The following TMEFF2 variants were observed in gnomAD, a reference collection of about 807,000 sequenced individuals.
TMEFF2 encodes transmembrane protein with EGF like and two follistatin like domains 2.
In TMEFF2, 28 loss-of-function variants were observed where a neutral mutation model predicts 53.8. The observed-to-expected ratio is 0.52, with a 90% CI of 0.39 to 0.71. The LOEUF (loss-of-function observed/expected upper bound fraction) is 0.71. TMEFF2 is among the 30% of genes least tolerant of loss of function. The pLI, the probability that TMEFF2 is intolerant of heterozygous loss-of-function variation, is 0.00. For synonymous variants in TMEFF2, 162 were observed against 166.3 expected (o/e 0.97, Z 0.20); for missense variants, 353 against 455.2 (o/e 0.78, Z 2.04).
chr2:191,972,165 G>A (rs1327144106), intron 7 of TMEFF2, among the ~76,000 whole-genome samples: 1 of 140,660 alleles, frequency 7.1e-6, no homozygotes, highest in Non-Finnish European at 1.5e-5. Flanking sequence ...TTTTTTTTTA[G>A]ACCGAGTCTC....
chr2:192,037,273 T>TAAAAGAAAGAAAGAAAGAAAG (rs568551324), intron 5 of TMEFF2, among the ~76,000 whole-genome samples: 13 of 94,764 alleles, frequency 1.4e-4, no homozygotes, highest in East Asian at 9.5e-4. Context: ...CTAGCCAAAA[T>TAAAAGAAAGAAAGAAAGAAAG]AAAGAAAGAA....
At chr2:192,097,485 G>C (rs532717355) in intron 4 of TMEFF2, among the ~76,000 whole-genome samples, 1 of 152,104 alleles carries the variant, frequency 6.6e-6, no homozygotes, top group African/African-American at 2.4e-5. Context: ...CAAACATTTC[G>C]AATAGATTTT....
chr2:191,959,827 G>C (rs752798628), intron 7 of TMEFF2, among the ~76,000 whole-genome samples: 1 of 152,140 alleles, frequency 6.6e-6, no homozygotes, highest in Non-Finnish European at 1.5e-5. Context: ...GTTGGCCAAA[G>C]AAGTCCTGAA....
At chr2:192,128,858 C>T (rs890633077) in intron 4 of TMEFF2, among the ~76,000 whole-genome samples, 2 of 152,064 alleles carry the variant, frequency 1.3e-5, no homozygotes, top group African/African-American at 4.8e-5. Context: ...ACAGAAAATG[C>T]ATTTTCATTC....
chr2:191,978,890 T>G (rs1300749247), intron 7 of TMEFF2, among the ~76,000 whole-genome samples: 3 of 152,274 alleles, frequency 2.0e-5, no homozygotes, highest in Admixed American at 6.5e-5. Flanking sequence ...TGGCCTATTG[T>G]AAAAATAATA....
At chr2:191,975,746 G>A (rs755687592) in intron 7 of TMEFF2, among the ~76,000 whole-genome samples, 16 of 152,094 alleles carry the variant, frequency 1.1e-4, no homozygotes, top group Admixed American at 2.6e-4. Context: ...CTGAGATTTG[G>A]AACAATGAAT....
At chr2:192,165,883 T>A (rs995819925) in intron 4 of TMEFF2, among the ~76,000 whole-genome samples, 4 of 152,182 alleles carry the variant, frequency 2.6e-5, no homozygotes, top group African/African-American at 9.6e-5. Flanking sequence ...TAGAGGAAGT[T>A]AGACAAATAT....
rs114940457 is a variant in TMEFF2, at chr2:191,975,521, C to G, written c.746-19143G>C. Among the ~76,000 whole-genome samples, 962 of 151,474 alleles carry G rather than the reference C, an allele frequency of 6.4e-3. 10 individuals are homozygous for G. The highest frequency in any genetic ancestry group is 0.021 in the African/African-American group (887 of 41,454). On this transcript the variant is annotated intron_variant, in intron 7 of 9. Coordinates refer to ENST00000272771, the MANE Select transcript of TMEFF2 (RefSeq NM_016192.4). ...ATGTTACTGAGTGTATTTCCATGTCCCAGGAGCTTGGCAATTTTTTTCTAT... is the reference window on the plus strand; with the variant it reads ...ATGTTACTGAGTGTATTTCCATGTCGCAGGAGCTTGGCAATTTTTTTCTAT...
chr2:192,145,740 G>T (rs1690235976), intron 4 of TMEFF2, among the ~76,000 whole-genome samples: 1 of 151,936 alleles, frequency 6.6e-6, no homozygotes, highest in Non-Finnish European at 1.5e-5. Context: ...TCTTGGGAAA[G>T]TTATTTAACT....
rs1231130954 is a variant in TMEFF2 at position 191,990,395 on chromosome 2, G to A, written c.745+7867C>T. On this transcript the variant is annotated intron_variant, in intron 7 of 9. Transcript: ENST00000272771. ...CATGTCAGACTCTTTAACAAAAGCA[G>A]CAAATCAAAGTGCTCAGAATAGTGT... is the stretch of plus-strand genomic sequence containing the variant. Among the ~76,000 whole-genome samples the A allele has an allele frequency of 3.4e-5, 4 of 119,034 alleles. No homozygotes were observed. In the East Asian group the frequency reaches 9.7e-4, roughly 29 times the overall value. 78.1% of individuals were successfully genotyped at this position (119,034 alleles called of 152,430 possible).
At chr2:191,988,420 A>T (rs994550897) in intron 7 of TMEFF2, among the ~76,000 whole-genome samples, 2 of 152,210 alleles carry the variant, frequency 1.3e-5, no homozygotes, top group African/African-American at 4.8e-5. Context: ...TCTTTAAATA[A>T]TAGAAAAGTA....
intron 5 of TMEFF2, chr2:192,036,082 A>G (rs1687285368): frequency 6.6e-6 from 1 of 152,186 alleles, no homozygotes; most frequent in Non-Finnish European, 1.5e-5. Context: ...TATTCCTTCA[A>G]CTATTTTTCA....
chr2:192,083,844 G>T (rs894764008), intron 4 of TMEFF2, among the ~76,000 whole-genome samples: 1 of 151,662 alleles, frequency 6.6e-6, no homozygotes, highest in African/African-American at 2.4e-5. Context: ...TTGACTTAAG[G>T]TTCAACTCAT....
chr2:192,133,275 G>A (rs1025816916), intron 4 of TMEFF2, among the ~76,000 whole-genome samples: 11 of 152,038 alleles, frequency 7.2e-5, no homozygotes, highest in African/African-American at 1.4e-4. Flanking sequence ...CTTCATTTGC[G>A]TCCTCCTCTT....
intron 4 of TMEFF2, among the ~76,000 whole-genome samples, chr2:192,125,793 T>A (rs946247089): frequency 1.3e-5 from 2 of 152,160 alleles, no homozygotes; most frequent in African/African-American, 2.4e-5. Flanking sequence ...AAACACTACA[T>A]GTTCTCAATT....
chr2:192,149,974 G>A (rs1321600641), intron 4 of TMEFF2, among the ~76,000 whole-genome samples: 1 of 151,768 alleles, frequency 6.6e-6, no homozygotes, highest in Non-Finnish European at 1.5e-5. Flanking sequence ...AGTTTAGAAG[G>A]CCCATTATAC....
chr2:192,103,329 A>G (rs920701528), intron 4 of TMEFF2, among the ~76,000 whole-genome samples: 4 of 152,058 alleles, frequency 2.6e-5, no homozygotes, highest in African/African-American at 9.7e-5. Context: ...ACTTTCACCA[A>G]TGACAGGTAT....
intron 5 of TMEFF2, among the ~76,000 whole-genome samples, chr2:192,052,671 T>G (rs1334421625): frequency 6.6e-6 from 1 of 152,158 alleles, no homozygotes; most frequent in Non-Finnish European, 1.5e-5. Context: ...TTTGGCAGGG[T>G]GTATTTGAGA....
At chr2:191,973,579 A>G (rs768678434) in intron 7 of TMEFF2, among the ~76,000 whole-genome samples, 39 of 125,922 alleles carry the variant, frequency 3.1e-4, no homozygotes, top group African/African-American at 2.0e-4. Flanking sequence ...TAATGTCATG[A>G]GAGGGCTAAA....
Sources: gnomAD v4.1 joint callset for allele counts (sites outside exome capture counted in the v4.1 genomes callset) on GRCh38, gnomAD v4.1.1 for gene constraint, MANE v1.5 for transcripts, NCBI Gene and HGNC (gene_info 2026-07-23, HGNC 2026-07-21) for gene names.